Variants in CD99 observed in about 807,000 individuals in gnomAD.
CD99 encodes CD99 molecule (Xg blood group), also known as CD99 antigen.
Under a neutral mutation model 28.4 loss-of-function variants are expected in CD99, and 19 were observed. The observed-to-expected ratio is 0.67, with a 90% CI of 0.47 to 0.98. The LOEUF is 0.98. CD99 is among the 50% of genes least tolerant of loss of function. The pLI is 0.00. For missense variants in CD99, 283 were observed against 248.8 expected (o/e 1.14, Z -0.92); for synonymous variants, 103 against 92.1 (o/e 1.12, Z -0.67).
intron 8 of CD99, among the ~76,000 whole-genome samples, chrX:2,735,979 G>A (rs2049910926): frequency 6.6e-6 from 1 of 152,058 alleles, no homozygotes; most frequent in South Asian, 2.1e-4. Flanking sequence ...GAGGTGGGCA[G>A]ATCACGAAGT....
rs2049047628 is a variant in CD99 at position 2,722,617 on chromosome X, T to C, written c.263-10T>C. 3 of 1,613,918 alleles carry C rather than the reference T, an allele frequency of 1.9e-6. No individual in the cohort carries two copies. The highest frequency in any genetic ancestry group is 1.7e-6 in the Non-Finnish European group (2 of 1,179,790). On this transcript the variant is annotated splice_polypyrimidine_tract_variant and intron_variant, in intron 5 of 9. Transcript: ENST00000381192. Reference sequence around the variant, plus strand: ...CAGGTTGACAGGTGATGCTGTATTTTCTTTCCTAGGTAGCTTTTCAGATGC... The same window carrying C: ...CAGGTTGACAGGTGATGCTGTATTTCCTTTCCTAGGTAGCTTTTCAGATGC...
intron 2 of CD99, 161 bp from the exon 3 acceptor site, chrX:2,717,444 C>T (rs1037203534): frequency 1.1e-5 from 7 of 630,608 alleles, no homozygotes; most frequent in South Asian, 6.1e-5. Context: ...GCTCAAGAGT[C>T]GTTGTATAAA....
chrX:2,708,186 C>T (rs1348794876), intron 1 of CD99, among the ~76,000 whole-genome samples: 6 of 152,128 alleles, frequency 3.9e-5, no homozygotes, highest in East Asian at 3.9e-4. Context: ...CCTTCACATA[C>T]ATAGGGAACT....
At chrX:2,707,855 G>A (rs1407025653) in intron 1 of CD99, among the ~76,000 whole-genome samples, 2 of 152,276 alleles carry the variant, frequency 1.3e-5, no homozygotes, top group Admixed American at 1.3e-4. Context: ...CCCGGAGGTC[G>A]TTTTCAGGAG....
At chrX:2,699,110 G>GT (rs113131813) in intron 1 of CD99, among the ~76,000 whole-genome samples, 11,326 of 151,048 alleles carry the variant, frequency 0.075, 1,439 homozygotes, top group African/African-American at 0.26. Flanking sequence ...CTTTCTTTTT[G>GT]TTTTTTTCTT....
intron 3 of CD99, among the ~76,000 whole-genome samples, chrX:2,718,791 C>T (rs1294206308): frequency 6.6e-6 from 1 of 152,188 alleles, no homozygotes; most frequent in African/African-American, 2.4e-5. Context: ...GCATCAGTGT[C>T]TTACAGCTAA....
intron 9 of CD99, among the ~76,000 whole-genome samples, chrX:2,738,471 A>G (rs368915433): frequency 2.0e-5 from 3 of 152,138 alleles, no homozygotes; most frequent in African/African-American, 4.8e-5. Context: ...GAAGACCTAT[A>G]TGTGCCTAAG....
intron 1 of CD99, among the ~76,000 whole-genome samples, chrX:2,703,451 G>A (rs183536277): frequency 2.6e-5 from 4 of 152,222 alleles, no homozygotes; most frequent in Admixed American, 2.0e-4. Flanking sequence ...CATAAAACGC[G>A]CTTAGGTAGT....
At chrX:2,727,064 G>A (rs2049327284) in intron 8 of CD99, among the ~76,000 whole-genome samples, 1 of 152,232 alleles carries the variant, frequency 6.6e-6, no homozygotes, top group Non-Finnish European at 1.5e-5. Flanking sequence ...GTGAACCTGG[G>A]AGGCAGAGCT....
chrX:2,729,613 T>G (rs1273298247), intron 8 of CD99, among the ~76,000 whole-genome samples: 1 of 152,108 alleles, frequency 6.6e-6, no homozygotes, highest in African/African-American at 2.4e-5. Context: ...GCTCACCATA[T>G]CACATCTGAA....
At position 2,691,337 on chromosome X, in the gene CD99, G is replaced by C. The variant is rs779363374; in HGVS notation, c.-24G>C. The C allele has an allele frequency of 1.3e-6, 2 of 1,544,014 alleles. No individual in the cohort carries two copies. Among genetic ancestry groups the C allele is most frequent in the Non-Finnish European group, 1.7e-6 (2 of 1,155,028 alleles). ...CGCCCACGCCCTGCACTCCGGGACC[G>C]TCCCTGCGCGCTCTGGGCGCACCAT... On this transcript the variant is annotated 5_prime_UTR_variant, in exon 1 of 10. Coordinates refer to ENST00000381192, the MANE Select transcript of CD99 (RefSeq NM_002414.5).
At chrX:2,721,785 C>T (rs1208371807) in intron 5 of CD99, among the ~76,000 whole-genome samples, 2 of 152,112 alleles carry the variant, frequency 1.3e-5, no homozygotes, top group African/African-American at 2.4e-5. Flanking sequence ...TATATTCTTC[C>T]TGTAACTAAT....
intron 7 of CD99, among the ~76,000 whole-genome samples, chrX:2,725,626 T>C (rs1407792984): frequency 6.6e-6 from 1 of 152,178 alleles, no homozygotes; most frequent in African/African-American, 2.4e-5. Context: ...TGTTTTGTTT[T>C]GTTTTGAGAT....
chrX:2,703,605 A>AGT (rs556444956), intron 1 of CD99, among the ~76,000 whole-genome samples: 18,551 of 138,268 alleles, frequency 0.13, 1,194 homozygotes, highest in South Asian at 0.2. Context: ...CGAGCTGTTA[A>AGT]GTGTGTGTGT....
In CD99 at chrX:2,741,149, A is replaced by T. The variant is rs1057343385; in HGVS notation, c.*345A>T. 1.4e-5 allele frequency: 5 copies of T among 347,856 alleles called. No homozygotes were observed. The East Asian group carries it at 2.4e-4, about 17-fold the overall frequency. The allele number at this position is 347,856 out of a possible 1,614,324, so 21.5% of individuals were successfully genotyped here. ...CCGTCCCCCAGAATCTTGGCTGTTTACAAATCACGTGTCCATCGAGCACGT... is the reference window on the plus strand; with the variant it reads ...CCGTCCCCCAGAATCTTGGCTGTTTTCAAATCACGTGTCCATCGAGCACGT... On this transcript the variant is annotated 3_prime_UTR_variant, in exon 10 of 10. Coordinates refer to ENST00000381192, the MANE Select transcript of CD99 (RefSeq NM_002414.5).
intron 1 of CD99, among the ~76,000 whole-genome samples, chrX:2,697,600 GCACGATGGACTGGAA>G (rs1181379748): frequency 6.6e-6 from 1 of 152,108 alleles, no homozygotes; most frequent in Non-Finnish European, 1.5e-5. Flanking sequence ...TTTCGTTTCT[GCACGATGGACTGGAA>G]CACGATGGAC....
rs781412672 is a variant in CD99, at chrX:2,706,368, GAAAAAAC to G, written c.68-8039_68-8033del. ...CAGAGACACTCTGTCTCAAAAAAAGGAAAAAACAAAAAACAAAAAACGCTTTGCCTTT... is the reference window on the plus strand; with the variant it reads ...CAGAGACACTCTGTCTCAAAAAAAGGAAAAAACAAAAAACGCTTTGCCTTT... On this transcript the variant is annotated intron_variant, in intron 1 of 9. Coordinates refer to ENST00000381192, the MANE Select transcript of CD99 (RefSeq NM_002414.5). Among the ~76,000 whole-genome samples the G allele has an allele frequency of 4.8e-3, 736 of 151,926 alleles. 1 individual carries two copies. The highest frequency in any genetic ancestry group is 0.014 in the South Asian group (66 of 4,812).
At chrX:2,718,748 A>T (rs1215128437) in intron 3 of CD99, among the ~76,000 whole-genome samples, 5 of 152,208 alleles carry the variant, frequency 3.3e-5, no homozygotes, top group Non-Finnish European at 7.3e-5. Flanking sequence ...CCACTGGCGG[A>T]TAAACAGAGT....
intron 4 of CD99, 130 bp downstream of exon 4, chrX:2,719,835 A>G: frequency 2.1e-6 from 2 of 950,344 alleles, no homozygotes; most frequent in East Asian, 2.4e-5. Flanking sequence ...CCTAGGGAAT[A>G]GGTGTGTCGG....
Sources: gnomAD v4.1 joint callset for allele counts (sites outside exome capture counted in the v4.1 genomes callset) on GRCh38, gnomAD v4.1.1 for gene constraint, MANE v1.5 for transcripts, NCBI Gene and HGNC (gene_info 2026-07-23, HGNC 2026-07-21) for gene names.